The following ARHGAP12 variants were observed in gnomAD, a reference collection of about 807,000 sequenced individuals.
ARHGAP12 encodes rho GTPase-activating protein 12.
In ARHGAP12, 64 loss-of-function variants were observed where a neutral mutation model predicts 108.6. The ratio of observed to expected loss-of-function variants is 0.59; its 90% CI spans 0.48 to 0.73. The LOEUF (loss-of-function observed/expected upper bound fraction) is 0.73. Ranked by LOEUF, ARHGAP12 falls within the 30% of genes least tolerant of loss-of-function variation. The pLI is 0.00. For missense variants in ARHGAP12, 940 were observed against 1,005.9 expected, an observed-to-expected ratio of 0.93 and a Z score of 0.89; for synonymous variants, 312 against 337.2, an observed-to-expected ratio of 0.93 and a Z score of 0.82.
rs1834854910 is a variant in ARHGAP12 at position 31,807,454 on chromosome 10, A to T, written c.*204T>A. On this transcript the variant is annotated 3_prime_UTR_variant, in exon 20 of 20. Coordinates refer to ENST00000344936, the MANE Select transcript of ARHGAP12 (RefSeq NM_018287.7). ...CAGGATAAAATGAATTCATAATTAC[A>T]CGCAGTTATATCAACTTGCAACAAA... 2.3e-6 allele frequency: 1 copy of T among 428,528 alleles called. No individual in the cohort carries two copies. Among genetic ancestry groups the T allele is most frequent in the Non-Finnish European group, 4.1e-6 (1 of 243,420 alleles). 26.5% of individuals were successfully genotyped at this position (428,528 alleles called of 1,614,324 possible).
chr10:31,869,807 C>T (rs754857694), intron 3 of ARHGAP12, among the ~76,000 whole-genome samples: 4 of 152,072 alleles, frequency 2.6e-5, no homozygotes, highest in Admixed American at 2.0e-4. Flanking sequence ...CCTTCTGCAT[C>T]GTTACTTTTT....
intron 3 of ARHGAP12, among the ~76,000 whole-genome samples, chr10:31,868,902 A>G (rs1225644644): frequency 1.3e-5 from 2 of 152,176 alleles, no homozygotes; most frequent in Non-Finnish European, 2.9e-5. Flanking sequence ...TGGGTTTCAG[A>G]GTAAGACCCT....
intron 3 of ARHGAP12, among the ~76,000 whole-genome samples, chr10:31,880,993 G>C (rs1444803688): frequency 6.6e-6 from 1 of 151,674 alleles, no homozygotes; most frequent in African/African-American, 2.4e-5. Context: ...AGCTCAAGAG[G>C]GCAAGGCTGC....
In ARHGAP12 at chr10:31,807,588, T is replaced by C. The variant is rs1433068438; in HGVS notation, c.*70A>G. On this transcript the variant is annotated 3_prime_UTR_variant, in exon 20 of 20. Coordinates refer to ENST00000344936, the MANE Select transcript of ARHGAP12 (RefSeq NM_018287.7). ...TCACTGCTTGGTCCAAAAAATAAAA[T>C]ACATTGTGTATAAACATTTGAAATC... is the stretch of plus-strand genomic sequence containing the variant. The C allele has an allele frequency of 2.0e-6, 3 of 1,467,554 alleles. No individual in the cohort carries two copies. Among genetic ancestry groups the C allele is most frequent in the Non-Finnish European group, 2.7e-6 (3 of 1,092,966 alleles). The allele number at this position is 1,467,554 out of a possible 1,614,324, so 90.9% of individuals were successfully genotyped here.
chr10:31,854,141 A>C lies in ARHGAP12; in HGVS notation c.1014T>G (p.Ser338=). 1 of 1,613,942 alleles carries C rather than the reference A, an allele frequency of 6.2e-7. No homozygotes were observed. The highest frequency in any genetic ancestry group is 1.7e-4 in the Middle Eastern group (1 of 6,058). ...SYSQSDSQCG[S]PPRGWSEELD... ...ACTCTTCTGACCAACCCCTTGGAGGAGAACCACACTGACTATCTGACTGGC... is the reference window on the plus strand; with the variant it reads ...ACTCTTCTGACCAACCCCTTGGAGGCGAACCACACTGACTATCTGACTGGC... The change falls in exon 5 of 20, where the codon TCT becomes TCG. Residue 338 remains serine (S), a synonymous_variant. Coordinates refer to ENST00000344936, the MANE Select transcript of ARHGAP12 (RefSeq NM_018287.7).
chr10:31,914,576 A>C (rs1839480046), intron 1 of ARHGAP12, among the ~76,000 whole-genome samples: 2 of 152,228 alleles, frequency 1.3e-5, no homozygotes, highest in Non-Finnish European at 2.9e-5. Flanking sequence ...GGGAAATGCA[A>C]ATCAAACCCA....
At chr10:31,890,843 A>AG (rs1161154839) in intron 3 of ARHGAP12, among the ~76,000 whole-genome samples, 1 of 151,942 alleles carries the variant, frequency 6.6e-6, no homozygotes, top group Non-Finnish European at 1.5e-5. Flanking sequence ...CCTAAAAAAA[A>AG]GAAAATCCCA....
chr10:31,920,615 A>T (rs1190685139), intron 1 of ARHGAP12, among the ~76,000 whole-genome samples: 1 of 152,154 alleles, frequency 6.6e-6, no homozygotes, highest in African/African-American at 2.4e-5. Flanking sequence ...AAAAATCAAT[A>T]ATGTAAACTA....
At chr10:31,892,872 T>C (rs773347716) in intron 3 of ARHGAP12, among the ~76,000 whole-genome samples, 1 of 152,106 alleles carries the variant, frequency 6.6e-6, no homozygotes, top group Admixed American at 6.6e-5. Flanking sequence ...TCAGCAAATG[T>C]AAAATAACAG....
intron 6 of ARHGAP12, among the ~76,000 whole-genome samples, chr10:31,845,622 TA>T (rs1396086739): frequency 6.6e-6 from 1 of 152,120 alleles, no homozygotes; most frequent in Non-Finnish European, 1.5e-5. Flanking sequence ...CTGTCTCTAC[TA>T]AAAATACAAA....
chr10:31,808,794 T>A (rs1439370613), intron 18 of ARHGAP12, 43 bp from the exon 19 acceptor site: 1 of 1,591,686 alleles, frequency 6.3e-7, no homozygotes, highest in Admixed American at 1.7e-5. Context: ...CAAATTCTTA[T>A]GAAACTGAAA....
intron 13 of ARHGAP12, among the ~76,000 whole-genome samples, chr10:31,814,662 CAGTTAAAAGGTTAAGGCTATAAT>C: frequency 6.6e-6 from 1 of 152,176 alleles, no homozygotes; most frequent in South Asian, 2.1e-4. Context: ...GTGACACTAA[CAGTTAAAAGGTTAAGGCTATAAT>C]CTATGGTGAA....
chr10:31,892,086 G>A (rs1371894234), intron 3 of ARHGAP12, among the ~76,000 whole-genome samples: 3 of 152,096 alleles, frequency 2.0e-5, no homozygotes, highest in Non-Finnish European at 4.4e-5. Flanking sequence ...CACCAGGCCT[G>A]CCCTAAAAGA....
intron 3 of ARHGAP12, among the ~76,000 whole-genome samples, chr10:31,871,180 G>A (rs1837529573): frequency 6.6e-6 from 1 of 152,152 alleles, no homozygotes; most frequent in Non-Finnish European, 1.5e-5. Flanking sequence ...GTAGTGAAGG[G>A]CACTTCAAGC....
intron 4 of ARHGAP12, among the ~76,000 whole-genome samples, chr10:31,856,836 C>CA (rs1836904285): frequency 6.6e-6 from 1 of 151,928 alleles, no homozygotes; most frequent in African/African-American, 2.4e-5. Context: ...TAGAAACTAA[C>CA]AAAAAATAGA....
intron 6 of ARHGAP12, among the ~76,000 whole-genome samples, chr10:31,850,601 T>C (rs1351623641): frequency 6.6e-6 from 1 of 152,218 alleles, no homozygotes; most frequent in African/African-American, 2.4e-5. Flanking sequence ...ATAAATTGCT[T>C]ATCTTATTAT....
chr10:31,870,097 A>AGCCTGAC (rs1353062589), intron 3 of ARHGAP12, among the ~76,000 whole-genome samples: 1 of 152,220 alleles, frequency 6.6e-6, no homozygotes, highest in African/African-American at 2.4e-5. Flanking sequence ...AATGTTTGGT[A>AGCCTGAC]GCCTGACAGT....
At chr10:31,840,800 G>T (rs1255010845) in intron 7 of ARHGAP12, among the ~76,000 whole-genome samples, 4 of 152,132 alleles carry the variant, frequency 2.6e-5, no homozygotes, top group African/African-American at 9.6e-5. Context: ...AGCAGTGAAA[G>T]TTTACATGGA....
chr10:31,839,222 C>G, intron 9 of ARHGAP12, 83 bp downstream of exon 9: 9 of 1,391,498 alleles, frequency 6.5e-6, no homozygotes, highest in Non-Finnish European at 9.0e-6. Flanking sequence ...CAATATTCAT[C>G]TGGCACAGAC....
Sources: gnomAD v4.1 joint callset for allele counts (sites outside exome capture counted in the v4.1 genomes callset) on GRCh38, gnomAD v4.1.1 for gene constraint, MANE v1.5 for transcripts, NCBI Gene and HGNC (gene_info 2026-07-23, HGNC 2026-07-21) for gene names.